Variants in MYO9A observed in about 807,000 individuals in gnomAD.
The protein encoded by MYO9A is unconventional myosin-IXa.
A neutral mutation model predicts 293.3 loss-of-function variants in MYO9A; 103 were observed. The observed-to-expected ratio is 0.35, with a 90% CI of 0.30 to 0.41. The LOEUF is 0.41. Among genes scored for constraint, MYO9A ranks in the 10% least tolerant of loss-of-function variants. The pLI is 1.00. For missense variants in MYO9A, 2,685 were observed against 3,033.0 expected (o/e 0.89, Z 2.69); for synonymous variants, 1,001 against 1,035.7 (o/e 0.97, Z 0.64).
At chr15:71,938,488 C>G (rs2058694010) in intron 16 of MYO9A, among the ~76,000 whole-genome samples, 1 of 152,048 alleles carries the variant, frequency 6.6e-6, no homozygotes, top group Non-Finnish European at 1.5e-5. Context: ...TGATGTAAAT[C>G]AAACTATTCA....
intron 37 of MYO9A, 116 bp from the exon 38 acceptor site, chr15:71,850,283 C>T (rs959821963): frequency 3.4e-6 from 4 of 1,177,688 alleles, no homozygotes; most frequent in Non-Finnish European, 4.8e-6. Flanking sequence ...CTGCATAGTA[C>T]TAGAAGGATA....
intron 3 of MYO9A, among the ~76,000 whole-genome samples, chr15:72,029,490 C>T (rs1346245096): frequency 6.6e-6 from 1 of 152,094 alleles, no homozygotes; most frequent in Non-Finnish European, 1.5e-5. Flanking sequence ...TGCATTTAAA[C>T]ATAGAAAAAG....
chr15:72,060,402 A>AAAATAAAAAAT (rs1184196528), intron 1 of MYO9A, among the ~76,000 whole-genome samples: 1 of 152,004 alleles, frequency 6.6e-6, no homozygotes, highest in African/African-American at 2.4e-5. Flanking sequence ...ATAAAAAATA[A>AAAATAAAAAAT]AAATAAAAAA....
At chr15:71,966,265 A>AGTGTGTGTGTGTGT (rs377708464) in intron 13 of MYO9A, among the ~76,000 whole-genome samples, 2,044 of 134,894 alleles carry the variant, frequency 0.015, 36 homozygotes, top group African/African-American at 0.026. Context: ...ATCCCAGGCA[A>AGTGTGTGTGTGTGT]GTGTGTGTGT....
chr15:72,071,754 C>T (rs2079198236), intron 1 of MYO9A, among the ~76,000 whole-genome samples: 1 of 148,108 alleles, frequency 6.8e-6, no homozygotes. Context: ...GACTCCATCT[C>T]AAAAAAAATA....
chr15:72,045,059 T>C (rs906527045), intron 2 of MYO9A: 1 of 152,238 alleles, frequency 6.6e-6, no homozygotes, highest in African/African-American at 2.4e-5. Flanking sequence ...CTATCAAATA[T>C]TTTTTAAAGA....
chr15:72,059,753 A>T (rs1389165197), intron 1 of MYO9A, among the ~76,000 whole-genome samples: 1 of 152,174 alleles, frequency 6.6e-6, no homozygotes, highest in Non-Finnish European at 1.5e-5. Context: ...CTCTTTTCTA[A>T]ATGTTCAGGA....
At chr15:71,895,150 T>C (rs1170360170) in intron 25 of MYO9A, among the ~76,000 whole-genome samples, 2 of 152,234 alleles carry the variant, frequency 1.3e-5, no homozygotes, top group Non-Finnish European at 2.9e-5. Context: ...GCAATGTATG[T>C]ACAATGTGTA....
At chr15:72,048,929 C>T (rs143380429) in intron 1 of MYO9A, among the ~76,000 whole-genome samples, 4 of 152,146 alleles carry the variant, frequency 2.6e-5, no homozygotes, top group African/African-American at 7.2e-5. Context: ...ATCTTTTTTC[C>T]GCCGATTTAC....
chr15:72,047,844 C>G (rs915232438), intron 1 of MYO9A, among the ~76,000 whole-genome samples: 46 of 117,514 alleles, frequency 3.9e-4, no homozygotes, highest in African/African-American at 1.5e-3. Flanking sequence ...GCGGCATGAT[C>G]TTGGCTCACT....
chr15:71,969,049 G>T (rs754604232), intron 12 of MYO9A, among the ~76,000 whole-genome samples: 3 of 152,118 alleles, frequency 2.0e-5, no homozygotes, highest in Non-Finnish European at 4.4e-5. Flanking sequence ...TTTACATTAC[G>T]CATTCTATCA....
At position 71,878,196 on chromosome 15, in the gene MYO9A, G is replaced by C. The variant is rs915962489; in HGVS notation, c.5775C>G (p.Leu1925=). 1 of 1,602,862 alleles carries C rather than the reference G, an allele frequency of 6.2e-7. No individual in the cohort carries two copies. Among genetic ancestry groups the C allele is most frequent in the Admixed American group, 1.8e-5 (1 of 56,302 alleles). The part of the protein sequence containing the change: ...DDGKSIRYKD[L]YALFEQILEK... ...CCAGAATCTGTTCAAATAGTGCATA[G>C]AGGTCTTTATACCGTATGCTTTTCC... is the stretch of plus-strand genomic sequence containing the variant. Residue 1925 remains leucine, a synonymous_variant, in exon 31 of 42, where the codon CTC becomes CTG. Transcript: ENST00000356056.
chr15:72,041,595 A>G (rs1411144545), intron 2 of MYO9A: 1 of 302,334 alleles, frequency 3.3e-6, no homozygotes, highest in East Asian at 9.0e-5. Flanking sequence ...TGAGCACTGC[A>G]TAGGGTGAGT....
At chr15:71,915,996 G>T (rs1432597860) in intron 19 of MYO9A, among the ~76,000 whole-genome samples, 1 of 152,064 alleles carries the variant, frequency 6.6e-6, no homozygotes, top group Non-Finnish European at 1.5e-5. Flanking sequence ...GCCTCATTTA[G>T]TTAACTATTG....
intron 41 of MYO9A, 37 bp downstream of exon 41, chr15:71,827,847 A>G: frequency 6.4e-7 from 1 of 1,574,022 alleles, no homozygotes. Context: ...CCTTTGCAAA[A>G]CAAATCTGGA....
intron 6 of MYO9A, among the ~76,000 whole-genome samples, chr15:72,015,683 GTTT>G (rs10708457): frequency 7.1e-5 from 8 of 113,458 alleles, no homozygotes; most frequent in Non-Finnish European, 8.7e-5. Flanking sequence ...CTCAGATCAG[GTTT>G]TTTTTTTTTT....
At chr15:71,965,948 C>T (rs926792200) in intron 13 of MYO9A, among the ~76,000 whole-genome samples, 1 of 151,986 alleles carries the variant, frequency 6.6e-6, no homozygotes, top group African/African-American at 2.4e-5. Flanking sequence ...ACTATCTCGG[C>T]TCAATGCAAC....
upstream of MYO9A, chr15:72,118,276 C>T: frequency 1.0e-5 from 3 of 293,134 alleles, no homozygotes; most frequent in Admixed American, 5.2e-5. Context: ...ACGCCCCAGG[C>T]GGCCCCGCCC....
intron 39 of MYO9A, among the ~76,000 whole-genome samples, chr15:71,835,250 G>A (rs889772167): frequency 2.0e-5 from 3 of 152,188 alleles, no homozygotes; most frequent in East Asian, 1.9e-4. Flanking sequence ...TGCCAGTAAT[G>A]ATCACTATCA....
Sources: gnomAD v4.1 joint callset for allele counts (sites outside exome capture counted in the v4.1 genomes callset) on GRCh38, gnomAD v4.1.1 for gene constraint, MANE v1.5 for transcripts, NCBI Gene and HGNC (gene_info 2026-07-23, HGNC 2026-07-21) for gene names.